RNF150: variants seen among roughly 807,000 people sequenced by gnomAD.
RNF150 encodes ring finger protein 150.
Under a neutral mutation model 39.3 loss-of-function variants are expected in RNF150, and 24 were observed. The ratio of observed to expected loss-of-function variants is 0.61; its 90% CI spans 0.44 to 0.86. The LOEUF (loss-of-function observed/expected upper bound fraction) is 0.86. RNF150 is among the 40% of genes least tolerant of loss of function. The probability of loss-of-function intolerance (pLI) is 0.00; values close to 1 mark genes in which losing one functional copy is unlikely to be tolerated. For missense variants in RNF150, 502 were observed against 587.8 expected (o/e 0.85, Z 1.51); for synonymous variants, 255 against 227.3 (o/e 1.12, Z -1.10).
At chr4:140,894,774 A>G (rs1164770867) in intron 6 of RNF150, among the ~76,000 whole-genome samples, 1 of 152,172 alleles carries the variant, frequency 6.6e-6, no homozygotes, top group Non-Finnish European at 1.5e-5. Context: ...GCCTGCAAAT[A>G]TTTTATATTA....
chr4:140,943,435 T>C (rs965309005), intron 4 of RNF150, among the ~76,000 whole-genome samples: 1 of 152,190 alleles, frequency 6.6e-6, no homozygotes, highest in African/African-American at 2.4e-5. Context: ...TATTTAAATA[T>C]TTACCCATTT....
chr4:141,142,378 C>T (rs1006191942), intron 1 of RNF150, among the ~76,000 whole-genome samples: 2 of 152,288 alleles, frequency 1.3e-5, no homozygotes, highest in African/African-American at 2.4e-5. Context: ...TGATCTCCTC[C>T]CTCTTCCACA....
At chr4:140,974,744 A>G (rs1287115616) in intron 1 of RNF150, among the ~76,000 whole-genome samples, 1 of 152,146 alleles carries the variant, frequency 6.6e-6, no homozygotes, top group Admixed American at 6.5e-5. Flanking sequence ...CTCTTCATTC[A>G]TTGTGAGTGA....
chr4:140,992,424 T>A (rs1184684727), intron 1 of RNF150, among the ~76,000 whole-genome samples: 1 of 151,388 alleles, frequency 6.6e-6, no homozygotes, highest in African/African-American at 2.4e-5. Flanking sequence ...AACCAGGGAA[T>A]GGGGAAAAAA....
intron 1 of RNF150, among the ~76,000 whole-genome samples, chr4:141,046,457 T>A (rs1204646504): frequency 6.6e-6 from 1 of 152,222 alleles, no homozygotes; most frequent in Non-Finnish European, 1.5e-5. Context: ...GGGAGGAAGC[T>A]GCAGAGTAGA....
chr4:140,936,054 A>G (rs1455960865), intron 4 of RNF150, among the ~76,000 whole-genome samples: 1 of 152,180 alleles, frequency 6.6e-6, no homozygotes, highest in East Asian at 1.9e-4. Context: ...TTTTTTGTCT[A>G]GCTTTTTAAA....
chr4:141,141,012 T>A (rs536569176), intron 1 of RNF150, among the ~76,000 whole-genome samples: 3 of 152,292 alleles, frequency 2.0e-5, no homozygotes, highest in African/African-American at 7.2e-5. Context: ...GCTTTCCTAT[T>A]GGTACTAATT....
intron 1 of RNF150, among the ~76,000 whole-genome samples, chr4:141,156,880 C>A (rs1263652421): frequency 1.3e-5 from 2 of 151,946 alleles, no homozygotes; most frequent in Admixed American, 1.3e-4. Context: ...GCACTCCAGT[C>A]TGGGCAGTAG....
chr4:140,867,621 G>A lies in RNF150; in HGVS notation c.*640C>T, dbSNP rs921422298. 6.6e-6 allele frequency: 1 copy of A among 152,214 alleles called. No individual in the cohort carries two copies. Among genetic ancestry groups the A allele is most frequent in the African/African-American group, 2.4e-5 (1 of 41,414 alleles). 9.4% of individuals were successfully genotyped at this position (152,214 alleles called of 1,614,324 possible). ...CTTAGTGTTGGGGTCTCTGGCAGCT[G>A]GGGTTTTTAAAGGCCCACTTAGAAG... On this transcript the variant is annotated 3_prime_UTR_variant, in exon 7 of 7. Transcript: ENST00000515673.
intron 1 of RNF150, among the ~76,000 whole-genome samples, chr4:141,085,701 G>A (rs1234778401): frequency 1.3e-5 from 2 of 152,090 alleles, no homozygotes; most frequent in African/African-American, 4.8e-5. Flanking sequence ...TTAGGTTCTG[G>A]GGCAGTTGTT....
At chr4:141,138,783 G>A (rs1298782098) in intron 1 of RNF150, among the ~76,000 whole-genome samples, 2 of 152,204 alleles carry the variant, frequency 1.3e-5, no homozygotes, top group East Asian at 3.9e-4. Context: ...CATCTCCCAG[G>A]ATTATTGGAA....
chr4:140,917,817 G>A (rs6856279), intron 5 of RNF150, among the ~76,000 whole-genome samples: 147,445 of 149,758 alleles, frequency 0.98, 72,637 homozygotes, highest in South Asian at 1. Context: ...CAAATGTAAA[G>A]TAACAGAAAT....
intron 1 of RNF150, among the ~76,000 whole-genome samples, chr4:141,156,488 C>T (rs1040108424): frequency 1.5e-4 from 23 of 152,106 alleles, no homozygotes; most frequent in Non-Finnish European, 2.4e-4. Flanking sequence ...TTCTATGTGT[C>T]CAGGCTGGTC....
chr4:140,949,554 G>A (rs1275361002), intron 2 of RNF150, among the ~76,000 whole-genome samples, 182 bp from the exon 3 acceptor site: 2 of 152,114 alleles, frequency 1.3e-5, no homozygotes, highest in Non-Finnish European at 2.9e-5. Flanking sequence ...TACCAGTTGA[G>A]GTCTATAAAA....
At position 140,883,214 on chromosome 4, in the gene RNF150, T is replaced by A. The variant is rs1351522662; in HGVS notation, c.1199-14835A>T. ...TTACTGATGTTATAAATTATATCTT[T>A]AGTATATTTTACATCCATTAAAGTA... On this transcript the variant is annotated intron_variant, in intron 6 of 6. Transcript: ENST00000515673. Among the ~76,000 whole-genome samples the A allele has an allele frequency of 3.3e-5, 5 of 152,330 alleles. No homozygotes were observed. In the East Asian group the frequency reaches 9.6e-4, roughly 29 times the overall value.
At chr4:141,102,050 G>A (rs1332319889) in intron 1 of RNF150, among the ~76,000 whole-genome samples, 5 of 152,022 alleles carry the variant, frequency 3.3e-5, no homozygotes, top group African/African-American at 9.7e-5. Context: ...CCAAAGTTCT[G>A]GGATTACAGG....
intron 1 of RNF150, among the ~76,000 whole-genome samples, chr4:140,980,753 C>T (rs1733833417): frequency 6.6e-6 from 1 of 152,238 alleles, no homozygotes; most frequent in Admixed American, 6.5e-5. Flanking sequence ...TTGTAAGTTT[C>T]CTGAGGCCTC....
chr4:141,150,278 C>T (rs536944489), intron 1 of RNF150, among the ~76,000 whole-genome samples: 17 of 152,326 alleles, frequency 1.1e-4, no homozygotes, highest in African/African-American at 3.8e-4. Context: ...GCCACTTCTT[C>T]CATTCAGTTG....
chr4:141,195,554 T>A (rs1260625272), intron 1 of RNF150, among the ~76,000 whole-genome samples: 2 of 152,064 alleles, frequency 1.3e-5, no homozygotes, highest in African/African-American at 4.8e-5. Flanking sequence ...GGTTGGGGGA[T>A]GTTGTTATGG....
Sources: allele counts gnomAD v4.1 joint callset (sites outside exome capture counted in the v4.1 genomes callset), GRCh38; gene constraint gnomAD v4.1.1; transcripts MANE v1.5; gene names NCBI Gene and HGNC (gene_info 2026-07-23, HGNC 2026-07-21).